The following SDK1 variants were observed in gnomAD, a reference collection of about 807,000 sequenced individuals.
SDK1 encodes protein sidekick-1.
SDK1 carries 157 observed loss-of-function variants against 245.5 expected under a neutral mutation model. The observed-to-expected ratio is 0.64, with a 90% CI of 0.56 to 0.73. The LOEUF is 0.73. SDK1 is among the 30% of genes least tolerant of loss of function. The pLI is 0.00. For synonymous variants in SDK1, 1,647 were observed against 1,278.5 expected (o/e 1.29, Z -6.15); for missense variants, 3,583 against 3,002.3 (o/e 1.19, Z -4.52).
intron 39 of SDK1, 147 bp downstream of exon 39, chr7:4,220,417 T>G (rs983731169): frequency 1.3e-6 from 1 of 786,984 alleles, no homozygotes; most frequent in African/African-American, 1.7e-5. Context: ...CTGGGCAACA[T>G]GGACGTCTTC....
intron 5 of SDK1, among the ~76,000 whole-genome samples, chr7:3,849,260 A>T (rs371325967): frequency 1.3e-5 from 2 of 152,034 alleles, no homozygotes; most frequent in Admixed American, 6.6e-5. Context: ...CCGGAGATGC[A>T]CCCACTCCTG....
intron 14 of SDK1, among the ~76,000 whole-genome samples, chr7:3,994,421 C>G (rs1784554485): frequency 6.6e-6 from 1 of 152,106 alleles, no homozygotes; most frequent in Non-Finnish European, 1.5e-5. Flanking sequence ...TCAGGAGGAT[C>G]ACTTGAGGCC....
intron 1 of SDK1, among the ~76,000 whole-genome samples, chr7:3,359,076 C>T (rs997370875): frequency 1.3e-5 from 2 of 152,140 alleles, no homozygotes; most frequent in African/African-American, 4.8e-5. Flanking sequence ...ATGGCATCAC[C>T]TTGGAGACAC....
intron 31 of SDK1, 51 bp downstream of exon 31, chr7:4,158,602 CGA>C: frequency 7.4e-7 from 1 of 1,357,166 alleles, no homozygotes; most frequent in Non-Finnish European, 1.0e-6. Flanking sequence ...CCCTGGAGCC[CGA>C]GATACTTAGG....
chr7:3,505,095 T>A (rs958138282), intron 1 of SDK1, among the ~76,000 whole-genome samples: 1 of 152,220 alleles, frequency 6.6e-6, no homozygotes, highest in Admixed American at 6.5e-5. Flanking sequence ...TTAAAAAATA[T>A]AGCTTGTACA....
At chr7:3,883,433 CTG>C (rs1178090892) in intron 5 of SDK1, among the ~76,000 whole-genome samples, 1 of 152,270 alleles carries the variant, frequency 6.6e-6, no homozygotes, top group Admixed American at 6.5e-5. Flanking sequence ...ATGAATCCAG[CTG>C]TGTGTGTGCA....
intron 1 of SDK1, among the ~76,000 whole-genome samples, chr7:3,457,889 G>A (rs574239306): frequency 6.6e-6 from 1 of 152,148 alleles, no homozygotes. Context: ...TCCTGAGAAT[G>A]CATGTGTAAG....
intron 5 of SDK1, among the ~76,000 whole-genome samples, chr7:3,921,536 T>G (rs1394046016): frequency 6.6e-6 from 1 of 152,228 alleles, no homozygotes; most frequent in East Asian, 1.9e-4. Context: ...CTATAAGAAC[T>G]AGACCTCTCT....
chr7:3,387,008 T>C (rs565064559), intron 1 of SDK1, among the ~76,000 whole-genome samples: 3 of 152,238 alleles, frequency 2.0e-5, no homozygotes, highest in South Asian at 4.1e-4. Context: ...CTTCAGTTAG[T>C]TGAGATGGTT....
rs1382742913 is a variant in SDK1, at chr7:3,864,993, G to A, written c.847+43410G>A. Among the ~76,000 whole-genome samples the A allele has an allele frequency of 2.6e-5, 4 of 152,132 alleles. 1 individual carries two copies. Among genetic ancestry groups the A allele is most frequent in the Non-Finnish European group, 5.9e-5 (4 of 68,030 alleles). ...GCTCTCTGACCACTGGTCTCTCAGG[G>A]GTGCTAACTCTGAGCACATTTCCTA... On this transcript the variant is annotated intron_variant, in intron 5 of 44. Coordinates refer to ENST00000404826, the MANE Select transcript of SDK1 (RefSeq NM_152744.4).
At chr7:3,663,166 C>G (rs1016010558) in intron 4 of SDK1, among the ~76,000 whole-genome samples, 1 of 152,124 alleles carries the variant, frequency 6.6e-6, no homozygotes, top group African/African-American at 2.4e-5. Flanking sequence ...GTTGAAACAT[C>G]TGTTACAGTG....
intron 17 of SDK1, among the ~76,000 whole-genome samples, chr7:4,020,060 C>G (rs1397331467): frequency 6.6e-6 from 1 of 152,066 alleles, no homozygotes; most frequent in Non-Finnish European, 1.5e-5. Flanking sequence ...CTGACTCCAA[C>G]CCTAAACCTA....
chr7:3,521,001 G>A (rs1179003151), intron 1 of SDK1, among the ~76,000 whole-genome samples: 1 of 152,160 alleles, frequency 6.6e-6, no homozygotes, highest in African/African-American at 2.4e-5. Context: ...TCAAGGTGCT[G>A]GTAGGGCTGT....
intron 5 of SDK1, among the ~76,000 whole-genome samples, chr7:3,828,527 TA>T (rs1451325872): frequency 2.6e-5 from 4 of 151,874 alleles, no homozygotes; most frequent in Non-Finnish European, 4.4e-5. Flanking sequence ...TGTAATACTT[TA>T]AAAAATTAAT....
chr7:3,896,873 A>G (rs755504707), intron 5 of SDK1, among the ~76,000 whole-genome samples: 1 of 152,170 alleles, frequency 6.6e-6, no homozygotes, highest in Non-Finnish European at 1.5e-5. Context: ...ATAAATAACT[A>G]CCTGAGACTG....
At chr7:3,848,675 T>C (rs1354930936) in intron 5 of SDK1, among the ~76,000 whole-genome samples, 1 of 138,974 alleles carries the variant, frequency 7.2e-6, no homozygotes, top group Non-Finnish European at 1.6e-5. Flanking sequence ...TTGTCTTTTC[T>C]TTTTTTTTTT....
At chr7:3,862,376 G>A (rs533006298) in intron 5 of SDK1, among the ~76,000 whole-genome samples, 2 of 152,260 alleles carry the variant, frequency 1.3e-5, no homozygotes, top group South Asian at 4.1e-4. Flanking sequence ...GTGCAGTCTC[G>A]GTCTGTGTTG....
Position 4,190,560 on chromosome 7 carries a change from C to T in SDK1, c.5098+11974C>T, listed in dbSNP as rs1026915535. The stretch of plus-strand genomic sequence containing the variant: ...AGGCACAAATGCACTAAGAAGCCCT[C>T]GCCAAGGAGTGCAGAGTGGAGAGAC... On this transcript the variant is annotated intron_variant, in intron 35 of 44. Transcript: ENST00000404826. 2.0e-5 allele frequency among the ~76,000 whole-genome samples: 3 copies of T among 152,346 alleles called. No homozygotes were observed. The South Asian group carries it at 6.2e-4, about 32-fold the overall frequency.
chr7:3,449,735 A>C (rs749772438), intron 1 of SDK1, among the ~76,000 whole-genome samples: 20 of 152,222 alleles, frequency 1.3e-4, no homozygotes, highest in Non-Finnish European at 2.8e-4. Flanking sequence ...AGACCTGTGT[A>C]ACTAGTTTGT....
Sources: gnomAD v4.1 joint callset for allele counts (sites outside exome capture counted in the v4.1 genomes callset) on GRCh38, gnomAD v4.1.1 for gene constraint, MANE v1.5 for transcripts, NCBI Gene and HGNC (gene_info 2026-07-23, HGNC 2026-07-21) for gene names.